RASGRF1: variants seen among roughly 807,000 people sequenced by gnomAD.
The protein encoded by RASGRF1 is Ras protein specific guanine nucleotide releasing factor 1, also known as ras-specific guanine nucleotide-releasing factor 1.
In RASGRF1, 40 loss-of-function variants were observed where a neutral mutation model predicts 138.7. That is an observed-to-expected ratio of 0.29 (90% CI 0.22 to 0.38). The LOEUF is 0.38. Among genes scored for constraint, RASGRF1 ranks in the 10% least tolerant of loss-of-function variants. RASGRF1 has a pLI of 1.00. For synonymous variants in RASGRF1, 614 were observed against 663.2 expected, an observed-to-expected ratio of 0.93 and a Z score of 1.14; for missense variants, 1,108 against 1,650.4, an observed-to-expected ratio of 0.67 and a Z score of 5.69.
intron 1 of RASGRF1, among the ~76,000 whole-genome samples, chr15:79,082,367 CCT>C (rs1267593806): frequency 6.6e-6 from 1 of 152,206 alleles, no homozygotes; most frequent in Non-Finnish European, 1.5e-5. Flanking sequence ...CACTCCTTCC[CCT>C]CAGTGGAGGG....
rs377540755 is a variant in RASGRF1 at position 79,004,079 on chromosome 15, C to A, written c.2172G>T (p.Pro724=). The change falls in exon 15 of 27, where the codon CCG becomes CCT. Residue 724 remains proline (P), a synonymous_variant. Coordinates refer to ENST00000558480, the MANE Select transcript of RASGRF1 (RefSeq NM_001145648.3). ...ATGTCTTGGTGATGGACAGAGGTGG[C>A]GGCGAGGAGAACTTGCGGGTGGCGC... The part of the protein sequence containing the change: ...SPRATRKFSS[P]PPLSITKTSS... 2 of 1,613,906 alleles carry A rather than the reference C, an allele frequency of 1.2e-6. No individual in the cohort carries two copies. The highest frequency in any genetic ancestry group is 2.2e-5 in the South Asian group (2 of 91,064).
chr15:78,990,770 G>A (rs910523865), intron 21 of RASGRF1, among the ~76,000 whole-genome samples: 14 of 152,344 alleles, frequency 9.2e-5, no homozygotes, highest in African/African-American at 2.9e-4. Context: ...AGGGGACCTC[G>A]GCAGAGTCCT....
At chr15:79,064,590 A>G in intron 1 of RASGRF1, 64 bp from the exon 2 acceptor site, 1 of 1,500,910 alleles carries the variant, frequency 6.7e-7, no homozygotes. Flanking sequence ...CGACTCTTGC[A>G]ATCAATCTAG....
chr15:79,022,388 C>A (rs1413643976), intron 10 of RASGRF1, among the ~76,000 whole-genome samples: 1 of 152,022 alleles, frequency 6.6e-6, no homozygotes, highest in South Asian at 2.1e-4. Context: ...TGCAGTGAGC[C>A]GAGATTGCGC....
intron 5 of RASGRF1, among the ~76,000 whole-genome samples, chr15:79,037,682 C>T (rs571257832): frequency 1.3e-5 from 2 of 152,192 alleles, no homozygotes; most frequent in Admixed American, 6.5e-5. Flanking sequence ...TGGTTTCAAA[C>T]TCCTGACCTC....
Position 78,973,203 on chromosome 15 carries a change from C to CCTTGGG in RASGRF1, c.3612+99_3612+100insCCCAAG. ...GGCTCCCAAATGGGGGCACCCTATGCAGCAGGTTGGGCCTTGGGGGGCAGA... is the reference window on the plus strand; with the variant it reads ...GGCTCCCAAATGGGGGCACCCTATGCCTTGGGAGCAGGTTGGGCCTTGGGGGGCAGA... On this transcript the variant is annotated intron_variant, in intron 25 of 26. Transcript: ENST00000558480. This position sits in a 1 kb window ranked among gnomAD's most constrained non-coding sequence, Gnocchi z 4.9. 1.1e-6 allele frequency: 1 copy of CCTTGGG among 930,378 alleles called. No homozygotes were observed. The highest frequency in any genetic ancestry group is 1.6e-6 in the Non-Finnish European group (1 of 608,766). 57.6% of individuals were successfully genotyped at this position (930,378 alleles called of 1,614,324 possible).
intron 10 of RASGRF1, among the ~76,000 whole-genome samples, chr15:79,024,422 C>T (rs2057015366): frequency 6.6e-6 from 1 of 151,806 alleles, no homozygotes; most frequent in African/African-American, 2.4e-5. Context: ...TATACACACA[C>T]ATGCATACAC....
chr15:79,072,001 G>C (rs2057762485), intron 1 of RASGRF1, among the ~76,000 whole-genome samples: 1 of 152,108 alleles, frequency 6.6e-6, no homozygotes, highest in Non-Finnish European at 1.5e-5. Context: ...GGCTGGTTTG[G>C]GTGTGTTTTG....
chr15:79,061,908 T>C (rs892295866), intron 2 of RASGRF1, among the ~76,000 whole-genome samples: 9 of 152,230 alleles, frequency 5.9e-5, no homozygotes, highest in African/African-American at 2.2e-4. Flanking sequence ...TCATTTCTCT[T>C]GGATAAGCAC....
chr15:78,962,070 G>T lies in RASGRF1; in HGVS notation c.*74C>A, dbSNP rs2055554787. ...CACATACTGAAGAAGAAAATCCAGT[G>T]AAACCAAACGAATATGTACAGTATC... On this transcript the variant is annotated 3_prime_UTR_variant, in exon 27 of 27. Transcript: ENST00000558480. The T allele has an allele frequency of 3.2e-6, 3 of 947,380 alleles. No homozygotes were observed. Among genetic ancestry groups the T allele is most frequent in the Non-Finnish European group, 3.3e-6 (2 of 611,952 alleles). 58.7% of individuals were successfully genotyped at this position (947,380 alleles called of 1,614,324 possible). A position where few individuals can be genotyped will look rare whatever the true frequency, so the allele number is the denominator to read the frequency against.
At chr15:79,072,316 C>T in intron 1 of RASGRF1, among the ~76,000 whole-genome samples, 1 of 103,990 alleles carries the variant, frequency 9.6e-6, no homozygotes, top group South Asian at 3.3e-4. Flanking sequence ...CACTCTGTTG[C>T]CCAGGCTGGA....
chr15:78,991,434 G>C (rs2056264903), intron 21 of RASGRF1, among the ~76,000 whole-genome samples: 1 of 152,202 alleles, frequency 6.6e-6, no homozygotes, highest in Non-Finnish European at 1.5e-5. Flanking sequence ...CTCTTTTCTA[G>C]ATACTCTCTT....
intron 5 of RASGRF1, among the ~76,000 whole-genome samples, chr15:79,043,411 A>C (rs1466804472): frequency 6.6e-6 from 1 of 152,142 alleles, no homozygotes; most frequent in Non-Finnish European, 1.5e-5. Context: ...TGCAGGGTGC[A>C]TTATTATGGA....
intron 20 of RASGRF1, among the ~76,000 whole-genome samples, chr15:78,992,326 C>G (rs1253002296): frequency 6.6e-6 from 1 of 152,248 alleles, no homozygotes; most frequent in Non-Finnish European, 1.5e-5. Flanking sequence ...TAGTCCTGGG[C>G]CTTAGTCCGT....
chr15:79,027,987 G>C lies in RASGRF1; in HGVS notation c.1263-128C>G. The C allele has an allele frequency of 1.1e-6, 1 of 922,362 alleles. No homozygotes were observed. Among genetic ancestry groups the C allele is most frequent in the Admixed American group, 1.9e-5 (1 of 53,236 alleles). 57.1% of individuals were successfully genotyped at this position (922,362 alleles called of 1,614,324 possible). A position where few individuals can be genotyped will look rare whatever the true frequency, so the allele number is the denominator to read the frequency against. ...CAAGGATTCTCAGGTGGAGTCTGTG[G>C]TCATGGAGGGGAAGGGAGTGTGCAT... is the stretch of plus-strand genomic sequence containing the variant. On this transcript the variant is annotated intron_variant, in intron 8 of 26. Coordinates refer to ENST00000558480, the MANE Select transcript of RASGRF1 (RefSeq NM_001145648.3). The surrounding 1 kb of genome is among the most constrained non-coding windows in gnomAD (Gnocchi z 4.8).
At chr15:79,002,311 T>C (rs1432881566) in intron 15 of RASGRF1, among the ~76,000 whole-genome samples, 1 of 152,194 alleles carries the variant, frequency 6.6e-6, no homozygotes, top group African/African-American at 2.4e-5. Flanking sequence ...TTCCTAATCT[T>C]GGGAGACTCC....
chr15:79,079,249 G>C (rs1482631230), intron 1 of RASGRF1, among the ~76,000 whole-genome samples: 1 of 152,174 alleles, frequency 6.6e-6, no homozygotes, highest in East Asian at 1.9e-4. Flanking sequence ...GCCTCAGCCA[G>C]CCTGCCCTCC....
At chr15:78,970,714 T>C (rs917147779) in intron 26 of RASGRF1, among the ~76,000 whole-genome samples, 7 of 151,846 alleles carry the variant, frequency 4.6e-5, no homozygotes, top group Non-Finnish European at 1.0e-4. Context: ...AATCTGTTAT[T>C]TTATCTGTAA....
intron 10 of RASGRF1, among the ~76,000 whole-genome samples, chr15:79,021,077 G>A (rs1318620218): frequency 6.6e-6 from 1 of 152,096 alleles, no homozygotes; most frequent in African/African-American, 2.4e-5. Context: ...AGGATACCCC[G>A]GCCCCAGTTG....
Sources: gnomAD v4.1 joint callset for allele counts (sites outside exome capture counted in the v4.1 genomes callset) on GRCh38, gnomAD v4.1.1 for gene constraint, Gnocchi (gnomAD v3.1) non-coding constraint, MANE v1.5 for transcripts, NCBI Gene and HGNC (gene_info 2026-07-23, HGNC 2026-07-21) for gene names.